RORB: variants seen among roughly 807,000 people sequenced by gnomAD.
The protein encoded by RORB is RAR related orphan receptor B.
RORB carries 6 observed loss-of-function variants against 59.1 expected under a neutral mutation model. The ratio of observed to expected loss-of-function variants is 0.10; its 90% confidence interval spans 0.06 to 0.20. RORB has a LOEUF of 0.20. Ranked by LOEUF, RORB falls within the 10% of genes least tolerant of loss-of-function variation. The pLI is 1.00. For synonymous variants in RORB, 215 were observed against 204.5 expected, an observed-to-expected ratio of 1.05 and a Z score of -0.44; for missense variants, 320 against 560.5, an observed-to-expected ratio of 0.57 and a Z score of 4.33.
intron 3 of RORB, among the ~76,000 whole-genome samples, chr9:74,642,173 T>A (rs1228440861): frequency 1.3e-5 from 2 of 152,142 alleles, no homozygotes; most frequent in Non-Finnish European, 2.9e-5. Flanking sequence ...CATACATAAG[T>A]TTTTATATTT....
rs539346753 is a variant in RORB at position 74,553,938 on chromosome 9, T to A, written c.7+55955T>A. ...TGAAGATCTCTTGGAAATCATCTAA[T>A]TCAACAGTTCTCAATGAGTGACTCC... On this transcript the variant is annotated intron_variant, in intron 1 of 9. Coordinates refer to ENST00000376896, the MANE Select transcript of RORB (RefSeq NM_006914.4). 6.6e-5 allele frequency among the ~76,000 whole-genome samples: 10 copies of A among 152,310 alleles called. No homozygotes were observed. The South Asian group carries it at 1.9e-3, about 28-fold the overall frequency.
At chr9:74,649,884 G>A (rs531855011) in intron 4 of RORB, among the ~76,000 whole-genome samples, 31 of 152,230 alleles carry the variant, frequency 2.0e-4, no homozygotes, top group South Asian at 4.2e-4. Flanking sequence ...CTAAAGCACC[G>A]TTTTTATTTT....
Position 74,685,460 on chromosome 9 carries a change from C to T in RORB, c.1225-3C>T. 2 of 1,606,210 alleles carry T rather than the reference C, an allele frequency of 1.2e-6. No homozygotes were observed. The highest frequency in any genetic ancestry group is 1.3e-5 in the African/African-American group (1 of 74,896). On this transcript the variant is annotated splice_polypyrimidine_tract_variant and splice_region_variant and intron_variant, in intron 9 of 9. Coordinates refer to ENST00000376896, the MANE Select transcript of RORB (RefSeq NM_006914.4). ...TCTCCCTCTCTGTCTCTCCGTTCTG[C>T]AGTTAATAGCCAAGATACCAACCAT...
At chr9:74,536,147 T>C (rs892496491) in intron 1 of RORB, among the ~76,000 whole-genome samples, 6 of 152,092 alleles carry the variant, frequency 3.9e-5, no homozygotes, top group South Asian at 2.1e-4. Context: ...AGTTTATGGT[T>C]TATTATGATT....
intron 1 of RORB, among the ~76,000 whole-genome samples, chr9:74,556,088 G>T (rs1822287156): frequency 6.6e-6 from 1 of 152,186 alleles, no homozygotes; most frequent in South Asian, 2.1e-4. Context: ...GTTACTTTCT[G>T]CCTTTGTAAT....
Position 74,498,328 on chromosome 9 carries a change from G to A in RORB, c.7+345G>A, listed in dbSNP as rs1238583481. On this transcript the variant is annotated intron_variant, in intron 1 of 9. Transcript: ENST00000376896. ...GGATGGAGAAAGCCGAAAGAGGGAT[G>A]CCTCTGGACAGGAGCAGTTTGGAAG... 5 of 324,762 alleles carry A rather than the reference G, an allele frequency of 1.5e-5. No individual in the cohort carries two copies. In the South Asian group the frequency reaches 3.1e-4, roughly 20 times the overall value. 20.1% of individuals were successfully genotyped at this position (324,762 alleles called of 1,614,324 possible).
intron 1 of RORB, among the ~76,000 whole-genome samples, chr9:74,592,865 G>A (rs1822919980): frequency 6.6e-6 from 1 of 151,660 alleles, no homozygotes; most frequent in African/African-American, 2.4e-5. Context: ...GCACACACAT[G>A]CACATGCACA....
In RORB at chr9:74,618,623, A is replaced by T. The variant is rs1338577091; in HGVS notation, c.8-11659A>T. Among the ~76,000 whole-genome samples the T allele has an allele frequency of 2.6e-5, 4 of 152,054 alleles. No homozygotes were observed. In the East Asian group the frequency reaches 7.7e-4, roughly 29 times the overall value. On this transcript the variant is annotated intron_variant, in intron 1 of 9. Transcript: ENST00000376896. ...AAAGACATGTTTTACTTATTTTCAA[A>T]CTCTCTGAACAAGTGCTGAGAACTT...
chr9:74,595,038 T>G (rs1822950959), intron 1 of RORB, among the ~76,000 whole-genome samples: 1 of 152,112 alleles, frequency 6.6e-6, no homozygotes, highest in Non-Finnish European at 1.5e-5. Context: ...AAGCCATAAA[T>G]CCAGCCCTGG....
At chr9:74,593,434 C>G (rs1311607726) in intron 1 of RORB, among the ~76,000 whole-genome samples, 1 of 148,276 alleles carries the variant, frequency 6.7e-6, no homozygotes, top group Non-Finnish European at 1.5e-5. Context: ...CCGTTGCACT[C>G]CAGCCTGGGC....
At chr9:74,675,548 T>C (rs1437575017) in intron 9 of RORB, among the ~76,000 whole-genome samples, 1 of 152,128 alleles carries the variant, frequency 6.6e-6, no homozygotes, top group Admixed American at 6.5e-5. Flanking sequence ...TCCAGTGTGA[T>C]TGTTTTAAGT....
In RORB at chr9:74,588,953, A is replaced by G. The variant is rs137931378; in HGVS notation, c.8-41329A>G. 1.1e-4 allele frequency among the ~76,000 whole-genome samples: 17 copies of G among 151,986 alleles called. No individual in the cohort carries two copies. In the East Asian group the frequency reaches 3.3e-3, roughly 29 times the overall value. On this transcript the variant is annotated intron_variant, in intron 1 of 9. Transcript: ENST00000376896. ...AAGTGATGATTAAAAAAAAAAAATAAGAGACCCAAAAAGAAGTGAAGGCTT... is the reference window on the plus strand; with the variant it reads ...AAGTGATGATTAAAAAAAAAAAATAGGAGACCCAAAAAGAAGTGAAGGCTT...
At position 74,687,619 on chromosome 9, in the gene RORB, T is replaced by G. The variant is rs1218191451; in HGVS notation, c.*2001T>G. 3.9e-5 allele frequency: 6 copies of G among 152,334 alleles called. No homozygotes were observed. In the East Asian group the frequency reaches 1.2e-3, roughly 29 times the overall value. 9.4% of individuals were successfully genotyped at this position (152,334 alleles called of 1,614,324 possible). On this transcript the variant is annotated 3_prime_UTR_variant, in exon 10 of 10. Coordinates refer to ENST00000376896, the MANE Select transcript of RORB (RefSeq NM_006914.4). ...TTTAACTACATTGAACCAAATTACC[T>G]TTGGTTCTAAGAAGACAGCTGTAGA... is the stretch of plus-strand genomic sequence containing the variant.
chr9:74,570,497 T>C (rs1466072024), intron 1 of RORB, among the ~76,000 whole-genome samples: 1 of 152,162 alleles, frequency 6.6e-6, no homozygotes, highest in South Asian at 2.1e-4. Flanking sequence ...GAACTGGAGA[T>C]AGAAAAGATC....
At chr9:74,627,539 G>A (rs1221347194) in intron 1 of RORB, among the ~76,000 whole-genome samples, 1 of 152,054 alleles carries the variant, frequency 6.6e-6, no homozygotes, top group African/African-American at 2.4e-5. Context: ...TAACCTCTGT[G>A]GCTTTCAAAA....
In RORB at chr9:74,513,682, A is replaced by G. The variant is rs137935344; in HGVS notation, c.7+15699A>G. Among the ~76,000 whole-genome samples, 165 of 152,216 alleles carry G rather than the reference A, an allele frequency of 1.1e-3. 2 individuals are homozygous for G. The highest frequency in any genetic ancestry group is 3.7e-3 in the African/African-American group (154 of 41,568). The stretch of plus-strand genomic sequence containing the variant: ...AGAATAAAATCATGTGCAGGAAGTG[A>G]AAGTATGAATTCAAGGAGAAAGTAG... On this transcript the variant is annotated intron_variant, in intron 1 of 9. Coordinates refer to ENST00000376896, the MANE Select transcript of RORB (RefSeq NM_006914.4).
Position 74,662,539 on chromosome 9 carries a change from G to A in RORB, c.825G>A (p.Glu275=). 2 of 1,614,124 alleles carry A rather than the reference G, an allele frequency of 1.2e-6. No homozygotes were observed. The highest frequency in any genetic ancestry group is 1.3e-5 in the African/African-American group (1 of 75,038). The part of the protein sequence containing the change: ...QITHAIQYVV[E]FAKRITGFME... ...CTCACGCCATCCAATACGTGGTGGA[G>A]TTTGCAAAGCGGATAACAGGCTTCA... Residue 275 remains glutamate (E), a synonymous_variant, in exon 6 of 10, where the codon GAG becomes GAA. Transcript: ENST00000376896.
chr9:74,675,715 G>A (rs3793517), intron 9 of RORB, among the ~76,000 whole-genome samples: 16 of 152,248 alleles, frequency 1.1e-4, no homozygotes, highest in African/African-American at 3.8e-4. Flanking sequence ...GCAAAGCCCG[G>A]GTTCAGAGGT....
At chr9:74,533,041 A>G (rs1587346372) in intron 1 of RORB, among the ~76,000 whole-genome samples, 1 of 151,770 alleles carries the variant, frequency 6.6e-6, no homozygotes, top group African/African-American at 2.4e-5. Context: ...AGTGGCTTCC[A>G]TCTTGAGATA....
Sources: gnomAD v4.1 joint callset for allele counts (sites outside exome capture counted in the v4.1 genomes callset) on GRCh38, gnomAD v4.1.1 for gene constraint, MANE v1.5 for transcripts, NCBI Gene and HGNC (gene_info 2026-07-23, HGNC 2026-07-21) for gene names.